Variants in MYBL1 observed in about 807,000 individuals in gnomAD.
MYBL1 encodes myb-related protein A.
In MYBL1, 17 loss-of-function variants were observed where a neutral mutation model predicts 96.3. The ratio of observed to expected loss-of-function variants is 0.18; its 90% CI spans 0.12 to 0.26. The LOEUF (loss-of-function observed/expected upper bound fraction) is 0.26, where lower values mean the gene tolerates loss of function less well. Ranked by LOEUF, MYBL1 falls within the 10% of genes least tolerant of loss-of-function variation. The probability of loss-of-function intolerance (pLI) is 1.00; values close to 1 mark genes in which losing one functional copy is unlikely to be tolerated. For missense variants in MYBL1, 701 were observed against 882.9 expected, an observed-to-expected ratio of 0.79 and a Z score of 2.61; for synonymous variants, 282 against 292.7, an observed-to-expected ratio of 0.96 and a Z score of 0.37.
At chr8:66,608,393 T>TTA (rs1174268569) in intron 1 of MYBL1, among the ~76,000 whole-genome samples, 1 of 152,146 alleles carries the variant, frequency 6.6e-6, no homozygotes, top group Non-Finnish European at 1.5e-5. Flanking sequence ...CACTCTGACT[T>TTA]TCCTAGAGTC....
intron 2 of MYBL1, among the ~76,000 whole-genome samples, chr8:66,602,138 C>T (rs762061666): frequency 1.3e-5 from 2 of 151,934 alleles, no homozygotes; most frequent in Non-Finnish European, 2.9e-5. Flanking sequence ...AACCCTCTGC[C>T]TCCCAGGTTC....
chr8:66,612,092 A>C (rs548669839), intron 1 of MYBL1: 1 of 152,358 alleles, frequency 6.6e-6, no homozygotes, highest in African/African-American at 2.4e-5. Flanking sequence ...AAAGTGCCTT[A>C]CCTCTGTGGA....
chr8:66,607,133 A>C (rs1372512011), intron 1 of MYBL1, among the ~76,000 whole-genome samples: 4,487 of 149,890 alleles, frequency 0.03, 201 homozygotes, highest in African/African-American at 0.098. Flanking sequence ...AAACAACAAA[A>C]AAAAAAAAAA....
chr8:66,576,704 G>A (rs1808965160), intron 9 of MYBL1, among the ~76,000 whole-genome samples: 1 of 152,096 alleles, frequency 6.6e-6, no homozygotes, highest in Non-Finnish European at 1.5e-5. Context: ...CTGCACATCA[G>A]GAAGACACCA....
chr8:66,576,042 T>G lies in MYBL1; in HGVS notation c.1435A>C (p.Thr479Pro). Reference sequence around the variant, plus strand: ...GAAAATGGTAGTGTTTTCAGTGGTGTATGTTTTAGCGCCATATTACCACCA... The same window carrying G: ...GAAAATGGTAGTGTTTTCAGTGGTGGATGTTTTAGCGCCATATTACCACCA... ...NDGGNMALKHTPLKTLPFSPS... is the reference protein window; with the variant it reads ...NDGGNMALKHPPLKTLPFSPS... Residue 479 changes from threonine (T) to proline (P), a missense_variant, in exon 10 of 16, where the codon ACA (threonine) becomes CCA (proline). Thr to Pro is a conservative substitution (Grantham distance 38, BLOSUM62 -1). This residue lies in a region of MYBL1 where 396 missense variants were observed against 407.4 expected (regional missense o/e 0.97). Coordinates refer to ENST00000522677, the MANE Select transcript of MYBL1 (RefSeq NM_001080416.4). 5 of 1,613,922 alleles carry G rather than the reference T, an allele frequency of 3.1e-6. No homozygotes were observed. The highest frequency in any genetic ancestry group is 4.2e-6 in the Non-Finnish European group (5 of 1,179,840).
chr8:66,602,362 G>C, intron 2 of MYBL1, 56 bp downstream of exon 2: 1 of 1,228,950 alleles, frequency 8.1e-7, no homozygotes, highest in Non-Finnish European at 1.1e-6. Context: ...TATAACTATA[G>C]CAGTATTAAC....
intron 8 of MYBL1, among the ~76,000 whole-genome samples, chr8:66,586,204 C>A (rs1809416122): frequency 6.6e-6 from 1 of 151,856 alleles, no homozygotes; most frequent in African/African-American, 2.4e-5. Context: ...CACCACCACG[C>A]CTGGCTAAGT....
intron 1 of MYBL1, among the ~76,000 whole-genome samples, chr8:66,603,503 C>G (rs1427267892): frequency 6.8e-6 from 1 of 146,246 alleles, no homozygotes; most frequent in African/African-American, 2.5e-5. Context: ...TTTTTTTTTT[C>G]CAGACAGGGT....
rs1292756994 is a variant in MYBL1, at chr8:66,576,319, A to T, written c.1158T>A (p.Ser386=). 6.2e-7 allele frequency: 1 copy of T among 1,613,882 alleles called. No homozygotes were observed. The highest frequency in any genetic ancestry group is 2.2e-5 in the East Asian group (1 of 44,894). Residue 386 remains serine (S), a synonymous_variant, in exon 10 of 16, where the codon TCT becomes TCA. Coordinates refer to ENST00000522677, the MANE Select transcript of MYBL1 (RefSeq NM_001080416.4). ...ATTTAACTGGGGTGGATTTGATAGGAGAAGCAGCAGCATCAGAAATATCAA... is the reference window on the plus strand; with the variant it reads ...ATTTAACTGGGGTGGATTTGATAGGTGAAGCAGCAGCATCAGAAATATCAA... The part of the protein sequence containing the change: ...TSFDISDAAA[S]PIKSTPVKLM...
intron 3 of MYBL1, among the ~76,000 whole-genome samples, chr8:66,601,177 CAAAAAAAAAAAAAAAAA>C (rs1167336780): frequency 1.4e-4 from 2 of 13,900 alleles, no homozygotes; most frequent in Non-Finnish European, 1.9e-4. Context: ...AACTCCGTCT[CAAAAAAAAAAAAAAAAA>C]AAAAAAAAAA....
chr8:66,610,164 T>C (rs899092874), intron 1 of MYBL1, among the ~76,000 whole-genome samples: 5 of 152,024 alleles, frequency 3.3e-5, no homozygotes, highest in African/African-American at 1.2e-4. Flanking sequence ...TACGTATATA[T>C]AAATATGCTT....
At chr8:66,576,849 C>T (rs1463314889) in intron 9 of MYBL1, among the ~76,000 whole-genome samples, 3 of 152,074 alleles carry the variant, frequency 2.0e-5, no homozygotes, top group African/African-American at 7.2e-5. Context: ...ATCTGTAGTA[C>T]TGAAAAAGTA....
At chr8:66,611,364 T>C (rs932248981) in intron 1 of MYBL1, among the ~76,000 whole-genome samples, 2 of 152,224 alleles carry the variant, frequency 1.3e-5, no homozygotes, top group African/African-American at 4.8e-5. Context: ...CAATCATAAT[T>C]ACAAGAGCTT....
intron 1 of MYBL1, among the ~76,000 whole-genome samples, chr8:66,603,465 G>A (rs1810187335): frequency 6.7e-6 from 1 of 149,584 alleles, no homozygotes; most frequent in Admixed American, 6.7e-5. Context: ...CAGATGTCTT[G>A]AACAAATGGA....
intron 8 of MYBL1, among the ~76,000 whole-genome samples, chr8:66,585,944 C>A (rs1188762959): frequency 6.7e-6 from 1 of 150,006 alleles, no homozygotes; most frequent in African/African-American, 2.5e-5. Flanking sequence ...AAAATATTTG[C>A]AAACTATTAA....
intron 9 of MYBL1, among the ~76,000 whole-genome samples, chr8:66,577,214 G>C (rs1288530382): frequency 7.3e-5 from 11 of 150,744 alleles, no homozygotes. Context: ...CATAGTGTTG[G>C]AAGTTCTGGC....
At chr8:66,598,969 C>A (rs113916389) in intron 4 of MYBL1, 81 bp downstream of exon 4, 10 of 855,764 alleles carry the variant, frequency 1.2e-5, no homozygotes, top group Non-Finnish European at 1.6e-5. Context: ...TAAACATGTA[C>A]TTCATATGTC....
chr8:66,596,488 T>C (rs1213113816), intron 5 of MYBL1, among the ~76,000 whole-genome samples: 2 of 152,134 alleles, frequency 1.3e-5, no homozygotes, highest in South Asian at 2.1e-4. Context: ...CTATGAAAAG[T>C]AAGAAGACGT....
At chr8:66,583,244 G>A (rs1586571969) in intron 8 of MYBL1, among the ~76,000 whole-genome samples, 1 of 151,924 alleles carries the variant, frequency 6.6e-6, no homozygotes, top group East Asian at 1.9e-4. Flanking sequence ...ACAACCAATA[G>A]GTCAATGAAG....
Sources: allele counts gnomAD v4.1 joint callset (sites outside exome capture counted in the v4.1 genomes callset), GRCh38; gene constraint gnomAD v4.1.1; regional missense constraint gnomAD v4.1.1; transcripts MANE v1.5; gene names NCBI Gene and HGNC (gene_info 2026-07-23, HGNC 2026-07-21).